SFXN5: variants seen among roughly 807,000 people sequenced by gnomAD.
SFXN5 encodes sideroflexin 5.
In SFXN5, 43 loss-of-function variants were observed where a neutral mutation model predicts 50.2. The ratio of observed to expected loss-of-function variants is 0.86; its 90% confidence interval spans 0.67 to 1.11. The LOEUF (loss-of-function observed/expected upper bound fraction) is 1.11, where lower values mean the gene tolerates loss of function less well. Among genes scored for constraint, SFXN5 ranks in the 50% least tolerant of loss-of-function variants. The pLI, the probability that SFXN5 is intolerant of heterozygous loss-of-function variation, is 0.00. For synonymous variants in SFXN5, 203 were observed against 185.8 expected (o/e 1.09, Z -0.75); for missense variants, 463 against 454.1 (o/e 1.02, Z -0.18).
rs897918970 is a variant in SFXN5, at chr2:72,988,206, C to A, written c.625+52G>T. On this transcript the variant is annotated intron_variant, in intron 10 of 13. Coordinates refer to ENST00000272433, the MANE Select transcript of SFXN5 (RefSeq NM_144579.3). ...GTCATCTGTCTCCCTGGGAGCCCAGCGGTCCCCCACACCCACCCACAGCAC... is the reference window on the plus strand; with the variant it reads ...GTCATCTGTCTCCCTGGGAGCCCAGAGGTCCCCCACACCCACCCACAGCAC... 3.3e-6 allele frequency: 5 copies of A among 1,517,490 alleles called. No homozygotes were observed. The African/African-American group carries it at 5.5e-5, about 17-fold the overall frequency. The allele number at this position is 1,517,490 out of a possible 1,614,324, so 94.0% of individuals were successfully genotyped here. A position where few individuals can be genotyped will look rare whatever the true frequency, so the allele number is the denominator to read the frequency against.
At chr2:72,951,250 GT>G (rs1672499966) in intron 13 of SFXN5, among the ~76,000 whole-genome samples, 1 of 152,176 alleles carries the variant, frequency 6.6e-6, no homozygotes, top group South Asian at 2.1e-4. Context: ...TCCTCGGGAT[GT>G]GCCCCTCTCC....
At chr2:73,047,275 T>TATATATATATAC (rs1300799277) in intron 2 of SFXN5, among the ~76,000 whole-genome samples, 3 of 51,764 alleles carry the variant, frequency 5.8e-5, no homozygotes, top group African/African-American at 1.6e-4. Context: ...TATATATATA[T>TATATATATATAC]ACACACATAT....
At position 72,944,783 on chromosome 2, in the gene SFXN5, A is replaced by C. The variant is rs1335707879; in HGVS notation, c.*239T>G. 1 of 495,664 alleles carries C rather than the reference A, an allele frequency of 2.0e-6. No individual in the cohort carries two copies. The highest frequency in any genetic ancestry group is 1.9e-5 in the African/African-American group (1 of 51,622). 30.7% of individuals were successfully genotyped at this position (495,664 alleles called of 1,614,324 possible). A position where few individuals can be genotyped will look rare whatever the true frequency, so the allele number is the denominator to read the frequency against. ...TGCTGAGTGGAGTTTTGACAACCCC[A>C]CATAAGGCCCAGAAATGCACTTGAT... On this transcript the variant is annotated 3_prime_UTR_variant, in exon 14 of 14. Coordinates refer to ENST00000272433, the MANE Select transcript of SFXN5 (RefSeq NM_144579.3).
At position 72,960,362 on chromosome 2, in the gene SFXN5, C is replaced by T. The variant is rs1162118978; in HGVS notation, c.945+769G>A. On this transcript the variant is annotated intron_variant, in intron 13 of 13. Coordinates refer to ENST00000272433, the MANE Select transcript of SFXN5 (RefSeq NM_144579.3). The surrounding 1 kb of genome is among the most constrained non-coding windows in gnomAD (Gnocchi z 6.1). ...ACATCCTCTGGCTCCCGTTCCCTCC[C>T]ACCACATACAGCTCTTCATCGAATC... Among the ~76,000 whole-genome samples the T allele has an allele frequency of 1.3e-5, 2 of 152,150 alleles. No individual in the cohort carries two copies. The highest frequency in any genetic ancestry group is 2.9e-5 in the Non-Finnish European group (2 of 68,040).
At chr2:73,052,337 AGAGTGT>A (rs1270126779) in intron 2 of SFXN5, among the ~76,000 whole-genome samples, 4 of 123,914 alleles carry the variant, frequency 3.2e-5, no homozygotes, top group African/African-American at 1.6e-4. Context: ...TGTAAGAGAG[AGAGTGT>A]GTGTGTGTGT....
At chr2:73,059,609 T>G (rs984930411) in intron 1 of SFXN5, 4 of 985,160 alleles carry the variant, frequency 4.1e-6, no homozygotes, top group Non-Finnish European at 4.8e-6. Context: ...CACCTCCATT[T>G]CTCTCCCACC....
chr2:72,983,670 G>A (rs1671573615), intron 10 of SFXN5, among the ~76,000 whole-genome samples: 1 of 152,182 alleles, frequency 6.6e-6, no homozygotes, highest in Non-Finnish European at 1.5e-5. Flanking sequence ...CTTTATAGAT[G>A]TGCTTGCTGA....
At chr2:73,047,255 T>TATATATATATATATATATACACACACAC (rs1559199686) in intron 2 of SFXN5, among the ~76,000 whole-genome samples, 2 of 61,898 alleles carry the variant, frequency 3.2e-5, no homozygotes, top group Non-Finnish European at 5.8e-5. Flanking sequence ...AATATATATA[T>TATATATATATATATATATACACACACAC]ATATATATAT....
chr2:72,956,691 C>A, intron 13 of SFXN5, among the ~76,000 whole-genome samples: 1 of 152,214 alleles, frequency 6.6e-6, no homozygotes, highest in Non-Finnish European at 1.5e-5. Flanking sequence ...GATCCAGGCC[C>A]CCATTTCTCC....
chr2:72,956,663 A>C (rs140756251), intron 13 of SFXN5, among the ~76,000 whole-genome samples: 5 of 152,034 alleles, frequency 3.3e-5, no homozygotes, highest in Non-Finnish European at 7.4e-5. Context: ...ATTGATACCT[A>C]CCTTGGAGAA....
At chr2:73,006,098 C>T (rs1012471281) in intron 6 of SFXN5, among the ~76,000 whole-genome samples, 3 of 152,118 alleles carry the variant, frequency 2.0e-5, no homozygotes, top group Non-Finnish European at 2.9e-5. Flanking sequence ...CAGTTCTGAG[C>T]CCTGGCTCAG....
chr2:72,947,873 C>T (rs1279023960), intron 13 of SFXN5, among the ~76,000 whole-genome samples: 3 of 151,684 alleles, frequency 2.0e-5, no homozygotes, highest in Non-Finnish European at 2.9e-5. Context: ...CTCGTCCCCA[C>T]GCTGCCACTG....
intron 10 of SFXN5, among the ~76,000 whole-genome samples, chr2:72,982,553 T>G (rs1671438461): frequency 6.6e-6 from 1 of 152,158 alleles, no homozygotes; most frequent in African/African-American, 2.4e-5. Context: ...AGTGTGGTGG[T>G]AGATGAGATC....
At chr2:72,947,367 ACTGAGCCCGTGGGGATGC>A (rs954033306) in intron 13 of SFXN5, among the ~76,000 whole-genome samples, 2 of 152,236 alleles carry the variant, frequency 1.3e-5, no homozygotes, top group African/African-American at 4.8e-5. Context: ...ATCTCCAGGG[ACTGAGCCCGTGGGGATGC>A]CTGAGCCCCT....
chr2:72,971,152 A>G (rs1477942331), intron 11 of SFXN5, among the ~76,000 whole-genome samples: 1 of 152,166 alleles, frequency 6.6e-6, no homozygotes, highest in Non-Finnish European at 1.5e-5. Flanking sequence ...AGAAGTGCCT[A>G]TTAACCCAGA....
chr2:73,047,232 AAAAAAAAAAAAAAATATATATATAT>A lies in SFXN5; in HGVS notation c.172-6326_172-6302del, dbSNP rs1312164732. ...GACTCCATCTCGTAAAAAAAAAAAA[AAAAAAAAAAAAAAATATATATATAT>A]ATATATATATATATATATACACACA... On this transcript the variant is annotated intron_variant, in intron 2 of 13. Transcript: ENST00000272433. Among the ~76,000 whole-genome samples, 167 of 62,702 alleles carry A rather than the reference AAAAAAAAAAAAAAATATATATATAT, an allele frequency of 2.7e-3. 14 individuals carry two copies. The East Asian group carries it at 0.027, about 10-fold the overall frequency. 41.1% of individuals were successfully genotyped at this position (62,702 alleles called of 152,430 possible).
At chr2:73,047,263 T>TAC (rs1285572080) in intron 2 of SFXN5, among the ~76,000 whole-genome samples, 8 of 77,252 alleles carry the variant, frequency 1.0e-4, no homozygotes, top group African/African-American at 4.2e-4. Flanking sequence ...TATATATATA[T>TAC]ATATATATAT....
At chr2:73,055,465 T>C (rs1421880192) in intron 2 of SFXN5, among the ~76,000 whole-genome samples, 1 of 152,254 alleles carries the variant, frequency 6.6e-6, no homozygotes, top group Non-Finnish European at 1.5e-5. Flanking sequence ...TTAATGCATG[T>C]AAAATGCTTA....
At chr2:73,026,640 A>G (rs945739035) in intron 3 of SFXN5, among the ~76,000 whole-genome samples, 10 of 152,184 alleles carry the variant, frequency 6.6e-5, no homozygotes, top group Non-Finnish European at 1.5e-4. Context: ...TTCATATAAA[A>G]GCCTAGCACA....
Sources: allele counts gnomAD v4.1 joint callset (sites outside exome capture counted in the v4.1 genomes callset), GRCh38; gene constraint gnomAD v4.1.1; non-coding constraint Gnocchi (gnomAD v3.1); transcripts MANE v1.5; gene names NCBI Gene and HGNC (gene_info 2026-07-23, HGNC 2026-07-21).